Variants in BBS9 observed in about 807,000 individuals in gnomAD.
BBS9 encodes the protein protein PTHB1.
A neutral mutation model predicts 117.7 loss-of-function variants in BBS9; 89 were observed. The observed-to-expected ratio is 0.76, with a 90% CI of 0.64 to 0.90. The LOEUF (loss-of-function observed/expected upper bound fraction) is 0.90, where lower values mean the gene tolerates loss of function less well. Ranked by LOEUF, BBS9 falls within the 40% of genes least tolerant of loss-of-function variation. BBS9 has a pLI of 0.00. For synonymous variants in BBS9, 379 were observed against 370.9 expected (o/e 1.02, Z -0.25); for missense variants, 982 against 1,042.2 (o/e 0.94, Z 0.80).
intron 19 of BBS9, among the ~76,000 whole-genome samples, chr7:33,493,713 G>A (rs1032549910): frequency 6.6e-6 from 1 of 152,114 alleles, no homozygotes; most frequent in African/African-American, 2.4e-5. Context: ...CCCTCGTAAT[G>A]GACGTCAAGT....
At chr7:33,270,267 C>A (rs553925907) in intron 7 of BBS9, among the ~76,000 whole-genome samples, 19 of 152,142 alleles carry the variant, frequency 1.2e-4, no homozygotes, top group South Asian at 1.0e-3. Flanking sequence ...TGAAAAAAAA[C>A]CAGTGCAAGA....
chr7:33,140,734 G>A (rs1282322662), intron 1 of BBS9, among the ~76,000 whole-genome samples: 2 of 152,148 alleles, frequency 1.3e-5, no homozygotes, highest in Non-Finnish European at 2.9e-5. Context: ...CTTGCTACCA[G>A]ATTTGAAATT....
chr7:33,248,544 T>G (rs1211493672), intron 5 of BBS9, among the ~76,000 whole-genome samples: 1 of 152,166 alleles, frequency 6.6e-6, no homozygotes, highest in Non-Finnish European at 1.5e-5. Context: ...AAAATGATAT[T>G]TAATGGCAAA....
chr7:33,450,872 T>G (rs1837712528), intron 19 of BBS9, among the ~76,000 whole-genome samples: 1 of 136,692 alleles, frequency 7.3e-6, no homozygotes, highest in Non-Finnish European at 1.6e-5. Context: ...AAGTTTTTTT[T>G]TTTTGTTTTT....
chr7:33,395,885 A>C (rs374682086), intron 19 of BBS9, among the ~76,000 whole-genome samples: 1 of 152,292 alleles, frequency 6.6e-6, no homozygotes, highest in Admixed American at 6.5e-5. Context: ...TGGACAAGTA[A>C]AAATAACATG....
At chr7:33,490,560 G>A (rs1202076963) in intron 19 of BBS9, among the ~76,000 whole-genome samples, 3 of 152,120 alleles carry the variant, frequency 2.0e-5, no homozygotes, top group Admixed American at 6.5e-5. Context: ...TGTGAAAAAT[G>A]TCACTATCTC....
chr7:33,204,705 C>G (rs1291184225), intron 5 of BBS9, among the ~76,000 whole-genome samples: 1 of 152,138 alleles, frequency 6.6e-6, no homozygotes, highest in Non-Finnish European at 1.5e-5. Context: ...GCCATATTCC[C>G]ATTTGAAACC....
At chr7:33,333,347 C>T (rs1472208207) in intron 9 of BBS9, among the ~76,000 whole-genome samples, 4 of 152,088 alleles carry the variant, frequency 2.6e-5, no homozygotes. Context: ...AGAATAATGG[C>T]CTCCTGCTCT....
At chr7:33,567,519 A>T (rs113009397) in intron 21 of BBS9, among the ~76,000 whole-genome samples, 2,695 of 152,134 alleles carry the variant, frequency 0.018, 31 homozygotes, top group Non-Finnish European at 0.026. Flanking sequence ...GCTCCTTCTC[A>T]GCCTCTTTCA....
exon 22 of BBS9, among the ~76,000 whole-genome samples, chr7:33,635,213 T>C (rs1168078220): frequency 1.0e-5 from 1 of 98,794 alleles, no homozygotes; most frequent in African/African-American, 2.9e-5. Flanking sequence ...GCCTGGACCC[T>C]AAGAATACCC....
intron 21 of BBS9, among the ~76,000 whole-genome samples, chr7:33,583,251 G>C (rs1305142085): frequency 1.3e-5 from 2 of 151,934 alleles, no homozygotes; most frequent in East Asian, 3.9e-4. Context: ...TTATTTATTT[G>C]TGTTGCTTTT....
chr7:33,457,972 G>T (rs904909510), intron 19 of BBS9, among the ~76,000 whole-genome samples: 1 of 152,114 alleles, frequency 6.6e-6, no homozygotes, highest in Admixed American at 6.6e-5. Flanking sequence ...ATCAGGAAAA[G>T]GTTTGAGGCT....
rs1425031985 is a variant in BBS9 at position 33,273,925 on chromosome 7, A to G, written c.985A>G (p.Ile329Val). The change falls in exon 9 of 23, where the codon ATT (isoleucine) becomes GTT (valine). Residue 329 changes from isoleucine (I) to valine (V), a missense_variant. By Grantham distance (29) the Ile-to-Val change is conservative. Transcript: ENST00000242067. The part of the protein sequence containing the change: ...TLKWATQLPH[I>V]PVAVRVGCLH... ...GAAGTGGGCCACCCAACTTCCCCAC[A>G]TTCCTGTAGCAGTAAGAGTGGGCTG... 5 of 1,613,554 alleles carry G rather than the reference A, an allele frequency of 3.1e-6. No homozygotes were observed. Among genetic ancestry groups the G allele is most frequent in the African/African-American group, 1.3e-5 (1 of 74,900 alleles).
In BBS9 at chr7:33,377,062, T is replaced by C. The variant is rs547263313; in HGVS notation, c.1790-6604T>C. Among the ~76,000 whole-genome samples the C allele has an allele frequency of 1.1e-3, 172 of 152,324 alleles. 2 individuals carry two copies. The highest frequency in any genetic ancestry group is 4.8e-3 in the South Asian group (23 of 4,830). The stretch of plus-strand genomic sequence containing the variant: ...GCTCTTTAGTTTAATTAGATCCCAT[T>C]TGTCATACTTGCTTTTGTTGCAATT... On this transcript the variant is annotated intron_variant, in intron 17 of 22. Transcript: ENST00000242067.
intron 5 of BBS9, among the ~76,000 whole-genome samples, chr7:33,211,057 G>T (rs1430112170): frequency 6.6e-6 from 1 of 152,128 alleles, no homozygotes; most frequent in Non-Finnish European, 1.5e-5. Flanking sequence ...CATTCTATGT[G>T]TATCTTTTTA....
chr7:33,174,383 C>A (rs558365494), intron 4 of BBS9, among the ~76,000 whole-genome samples: 1 of 152,232 alleles, frequency 6.6e-6, no homozygotes, highest in Non-Finnish European at 1.5e-5. Flanking sequence ...AATTTAACAG[C>A]ATTTAATTGA....
intron 9 of BBS9, among the ~76,000 whole-genome samples, chr7:33,312,202 A>G (rs1249000974): frequency 1.3e-5 from 2 of 151,486 alleles, no homozygotes; most frequent in Non-Finnish European, 2.9e-5. Context: ...CAAGATTAAC[A>G]TTTTATAATG....
chr7:33,590,451 GTT>G (rs1554551637), intron 21 of BBS9, among the ~76,000 whole-genome samples: 6 of 84,492 alleles, frequency 7.1e-5, no homozygotes, highest in African/African-American at 3.1e-4. Context: ...TTGTTTTTTT[GTT>G]TTTTTGTTTT....
At chr7:33,208,373 G>C (rs558272209) in intron 5 of BBS9, among the ~76,000 whole-genome samples, 4 of 152,064 alleles carry the variant, frequency 2.6e-5, no homozygotes, top group Non-Finnish European at 4.4e-5. Context: ...CTAAGTATTC[G>C]TGTTCCCAGA....
Sources: allele counts gnomAD v4.1 joint callset (sites outside exome capture counted in the v4.1 genomes callset), GRCh38; gene constraint gnomAD v4.1.1; transcripts MANE v1.5; gene names NCBI Gene and HGNC (gene_info 2026-07-23, HGNC 2026-07-21).